GPC6: variants seen among roughly 807,000 people sequenced by gnomAD.
The protein encoded by GPC6 is glypican-6.
A neutral mutation model predicts 55.2 loss-of-function variants in GPC6; 14 were observed. That is an observed-to-expected ratio of 0.25 (90% confidence interval 0.17 to 0.40). The LOEUF is 0.40. GPC6 is among the 10% of genes least tolerant of loss of function. The pLI is 1.00. For missense variants in GPC6, 641 were observed against 708.5 expected (o/e 0.90, Z 1.08); for synonymous variants, 278 against 259.6 (o/e 1.07, Z -0.68).
At chr13:93,510,345 A>G (rs2028788) in intron 1 of GPC6, among the ~76,000 whole-genome samples, 43,548 of 151,840 alleles carry the variant, frequency 0.29, 6,384 homozygotes, top group South Asian at 0.33. Flanking sequence ...AGTCTCTGTT[A>G]TCTATCTTTC....
intron 4 of GPC6, among the ~76,000 whole-genome samples, chr13:94,071,613 A>C (rs1484011547): frequency 1.3e-5 from 2 of 152,212 alleles, no homozygotes; most frequent in Non-Finnish European, 2.9e-5. Flanking sequence ...CATGGCCTGG[A>C]ATATAAATTC....
chr13:93,972,742 A>G (rs1483441594), intron 3 of GPC6, among the ~76,000 whole-genome samples: 1 of 152,216 alleles, frequency 6.6e-6, no homozygotes. Flanking sequence ...TGATGAGCCA[A>G]GAAAGGATAA....
chr13:93,354,396 G>A (rs1323401163), intron 1 of GPC6, among the ~76,000 whole-genome samples: 2 of 136,862 alleles, frequency 1.5e-5, no homozygotes, highest in Non-Finnish European at 3.0e-5. Context: ...TATTGCCCAG[G>A]TTGGAGTGCA....
intron 2 of GPC6, among the ~76,000 whole-genome samples, chr13:93,565,639 G>T (rs1042240718): frequency 6.6e-6 from 1 of 151,970 alleles, no homozygotes; most frequent in Non-Finnish European, 1.5e-5. Flanking sequence ...AACACATCTG[G>T]TCAGCTGGGC....
intron 3 of GPC6, among the ~76,000 whole-genome samples, chr13:93,942,204 A>G (rs1368170126): frequency 6.6e-6 from 1 of 152,222 alleles, no homozygotes; most frequent in Non-Finnish European, 1.5e-5. Flanking sequence ...TTCATAACAG[A>G]TTACTTTGAA....
At chr13:93,502,848 G>A (rs1483457358) in intron 1 of GPC6, among the ~76,000 whole-genome samples, 1 of 152,062 alleles carries the variant, frequency 6.6e-6, no homozygotes, top group Non-Finnish European at 1.5e-5. Context: ...GTAGAATTAG[G>A]AAGGGCTGCG....
intron 3 of GPC6, among the ~76,000 whole-genome samples, chr13:94,011,148 GT>G (rs1882230897): frequency 6.6e-6 from 1 of 152,068 alleles, no homozygotes; most frequent in Admixed American, 6.6e-5. Flanking sequence ...ATTCAGGGGG[GT>G]TTTTCCAGGG....
intron 4 of GPC6, among the ~76,000 whole-genome samples, chr13:94,201,482 A>G (rs1367023107): frequency 6.6e-6 from 1 of 152,110 alleles, no homozygotes; most frequent in African/African-American, 2.4e-5. Flanking sequence ...AAAAATATAT[A>G]TATCTTAACA....
intron 1 of GPC6, among the ~76,000 whole-genome samples, chr13:93,359,413 G>T (rs899122654): frequency 2.6e-5 from 4 of 152,118 alleles, no homozygotes; most frequent in Non-Finnish European, 5.9e-5. Flanking sequence ...TGTAAAATGG[G>T]ATAATCGTAC....
chr13:94,330,188 G>A (rs1008526302), intron 6 of GPC6, among the ~76,000 whole-genome samples: 6 of 152,094 alleles, frequency 3.9e-5, no homozygotes, highest in South Asian at 2.1e-4. Flanking sequence ...TTATGGAAAC[G>A]ATGCAACCCT....
At chr13:93,460,908 G>T (rs978956423) in intron 1 of GPC6, among the ~76,000 whole-genome samples, 1 of 152,036 alleles carries the variant, frequency 6.6e-6, no homozygotes, top group East Asian at 1.9e-4. Context: ...AATTATTACT[G>T]GTTTTAATAT....
intron 2 of GPC6, among the ~76,000 whole-genome samples, chr13:93,773,102 A>G (rs942725587): frequency 6.6e-6 from 1 of 152,160 alleles, no homozygotes; most frequent in African/African-American, 2.4e-5. Flanking sequence ...CAGCAAAAAG[A>G]AAAAAGAAAA....
chr13:93,244,497 G>A lies in GPC6; in HGVS notation c.160+16881G>A, dbSNP rs1043647240. ...CTGTGGCCATCTCCTGAGTTAGCTAGCAGATTTTCACGTGGGCGTCTGTGA... is the reference window on the plus strand; with the variant it reads ...CTGTGGCCATCTCCTGAGTTAGCTAACAGATTTTCACGTGGGCGTCTGTGA... On this transcript the variant is annotated intron_variant, in intron 1 of 8. Coordinates refer to ENST00000377047, the MANE Select transcript of GPC6 (RefSeq NM_005708.5). 2.0e-5 allele frequency among the ~76,000 whole-genome samples: 3 copies of A among 152,222 alleles called. No individual in the cohort carries two copies. The East Asian group carries it at 5.8e-4, about 29-fold the overall frequency.
chr13:93,295,703 G>T (rs745557391), intron 1 of GPC6, among the ~76,000 whole-genome samples: 1 of 151,734 alleles, frequency 6.6e-6, no homozygotes. Flanking sequence ...GGATGGTCTC[G>T]ATCTCCTGAC....
intron 2 of GPC6, among the ~76,000 whole-genome samples, chr13:93,578,171 G>A (rs1401971193): frequency 6.6e-6 from 1 of 151,918 alleles, no homozygotes; most frequent in Non-Finnish European, 1.5e-5. Flanking sequence ...CTTTTTTGTT[G>A]TTGTGTCCTT....
chr13:94,016,153 C>T, intron 3 of GPC6, among the ~76,000 whole-genome samples: 1 of 152,192 alleles, frequency 6.6e-6, no homozygotes, highest in East Asian at 1.9e-4. Flanking sequence ...CCTTTTGTGA[C>T]TGGCTTATTT....
chr13:94,017,416 G>A (rs1048075956), intron 3 of GPC6, among the ~76,000 whole-genome samples: 1 of 152,104 alleles, frequency 6.6e-6, no homozygotes, highest in African/African-American at 2.4e-5. Flanking sequence ...AGAAGCAACG[G>A]TACATCTTAC....
intron 6 of GPC6, among the ~76,000 whole-genome samples, chr13:94,357,909 C>T (rs544701031): frequency 6.6e-5 from 10 of 152,300 alleles, no homozygotes; most frequent in African/African-American, 2.4e-4. Context: ...GATGTCTTTT[C>T]ATCTTTGTAG....
At chr13:93,235,190 CAA>C (rs1876193036) in intron 1 of GPC6, among the ~76,000 whole-genome samples, 1 of 151,954 alleles carries the variant, frequency 6.6e-6, no homozygotes, top group Non-Finnish European at 1.5e-5. Context: ...AAGGAGGAGG[CAA>C]AATTTAATTG....
Sources: allele counts gnomAD v4.1 joint callset (sites outside exome capture counted in the v4.1 genomes callset), GRCh38; gene constraint gnomAD v4.1.1; transcripts MANE v1.5; gene names NCBI Gene and HGNC (gene_info 2026-07-23, HGNC 2026-07-21).